Variants in ADAM12 observed in about 807,000 individuals in gnomAD.
ADAM12 encodes the protein ADAM metallopeptidase domain 12.
Under a neutral mutation model 106.4 loss-of-function variants are expected in ADAM12, and 70 were observed. That is an observed-to-expected ratio of 0.66 (90% confidence interval 0.54 to 0.80). The LOEUF is 0.80. Among genes scored for constraint, ADAM12 ranks in the 30% least tolerant of loss-of-function variants. The pLI, the probability that ADAM12 is intolerant of heterozygous loss-of-function variation, is 0.00. For synonymous variants in ADAM12, 420 were observed against 433.5 expected (o/e 0.97, Z 0.39); for missense variants, 1,010 against 1,171.9 (o/e 0.86, Z 2.02).
chr10:126,360,084 C>T (rs749291735), intron 1 of ADAM12, among the ~76,000 whole-genome samples: 13 of 152,188 alleles, frequency 8.5e-5, no homozygotes, highest in Non-Finnish European at 1.8e-4. Flanking sequence ...TTAGCCATGG[C>T]TAGAGCAGCT....
intron 4 of ADAM12, among the ~76,000 whole-genome samples, chr10:126,142,164 C>T (rs2133692601): frequency 6.6e-6 from 1 of 152,280 alleles, no homozygotes. Context: ...CTGCCGAGAC[C>T]AGCTCGGTCA....
intron 3 of ADAM12, among the ~76,000 whole-genome samples, chr10:126,206,355 A>G (rs1957794175): frequency 6.6e-6 from 1 of 152,218 alleles, no homozygotes; most frequent in South Asian, 2.1e-4. Context: ...AAGTATACTC[A>G]GGTGGGACAC....
chr10:126,031,344 T>C (rs546423223), intron 21 of ADAM12, among the ~76,000 whole-genome samples: 1 of 152,302 alleles, frequency 6.6e-6, no homozygotes, highest in East Asian at 1.9e-4. Context: ...CAAGTGCAGG[T>C]TTCAATATCA....
chr10:126,319,521 G>A (rs1173152943), intron 2 of ADAM12, among the ~76,000 whole-genome samples: 1 of 152,098 alleles, frequency 6.6e-6, no homozygotes, highest in African/African-American at 2.4e-5. Context: ...TGCCACACCT[G>A]ATCTCTACTC....
chr10:126,189,715 AG>A (rs1271177358), intron 3 of ADAM12, among the ~76,000 whole-genome samples: 1 of 152,116 alleles, frequency 6.6e-6, no homozygotes, highest in East Asian at 1.9e-4. Context: ...ATCTACCTGC[AG>A]GCAGGCTTGC....
chr10:126,116,339 C>T (rs775277942), intron 6 of ADAM12, among the ~76,000 whole-genome samples: 2 of 152,106 alleles, frequency 1.3e-5, no homozygotes, highest in African/African-American at 4.8e-5. Flanking sequence ...TGTTTATGAC[C>T]GGTAAAGCTA....
intron 4 of ADAM12, among the ~76,000 whole-genome samples, 185 bp downstream of exon 4, chr10:126,155,042 C>T (rs1283431592): frequency 1.3e-5 from 2 of 152,116 alleles, no homozygotes; most frequent in Non-Finnish European, 2.9e-5. Context: ...GTGCACATAC[C>T]TGGCCAAGGC....
At chr10:126,357,327 G>A (rs1463565242) in intron 1 of ADAM12, among the ~76,000 whole-genome samples, 6 of 151,636 alleles carry the variant, frequency 4.0e-5, no homozygotes, top group Non-Finnish European at 7.4e-5. Context: ...CTGAGGGAGG[G>A]GGAAAAAAAA....
Position 126,041,798 on chromosome 10 carries a change from G to A in ADAM12, c.2104+1242C>T. The A allele has an allele frequency of 3.5e-6, 4 of 1,135,582 alleles. 1 individual carries two copies. The highest frequency in any genetic ancestry group is 2.2e-6 in the Non-Finnish European group (2 of 924,704). 70.3% of individuals were successfully genotyped at this position (1,135,582 alleles called of 1,614,324 possible). Reference sequence around the variant, plus strand: ...TCTCCCCCACTGCTGTGGAGGCTCAGTGAAAGGCCAGACTTTTGAGTCCTC... The same window carrying A: ...TCTCCCCCACTGCTGTGGAGGCTCAATGAAAGGCCAGACTTTTGAGTCCTC... On this transcript the variant is annotated intron_variant, in intron 18 of 22. Coordinates refer to ENST00000448723, the MANE Select transcript of ADAM12 (RefSeq NM_001288973.2).
At chr10:126,163,181 T>C (rs12782912) in intron 3 of ADAM12, among the ~76,000 whole-genome samples, 46,477 of 152,096 alleles carry the variant, frequency 0.31, 7,745 homozygotes, top group Non-Finnish European at 0.38. Context: ...TGAAACCTTT[T>C]TTCTTTGTAA....
Position 126,027,732 on chromosome 10 carries a change from A to G in ADAM12, c.2530-7907T>C, listed in dbSNP as rs73374513. ...ACATACCTCAAAATAATAGCCATCT[A>G]TGACAAACCCACAGCTAATATCCTG... On this transcript the variant is annotated intron_variant, in intron 21 of 22. Coordinates refer to ENST00000448723, the MANE Select transcript of ADAM12 (RefSeq NM_001288973.2). Among the ~76,000 whole-genome samples, 761 of 152,310 alleles carry G rather than the reference A, an allele frequency of 5.0e-3. 7 individuals are homozygous for G. Among genetic ancestry groups the G allele is most frequent in the African/African-American group, 0.017 (694 of 41,566 alleles).
intron 3 of ADAM12, among the ~76,000 whole-genome samples, chr10:126,170,444 C>T (rs1480631669): frequency 6.7e-5 from 10 of 148,774 alleles, no homozygotes; most frequent in South Asian, 6.4e-4. Flanking sequence ...AAAAAGAGGG[C>T]GGGGGGGGAG....
At chr10:126,024,587 G>A (rs1249001580) in intron 21 of ADAM12, among the ~76,000 whole-genome samples, 1 of 152,050 alleles carries the variant, frequency 6.6e-6, no homozygotes, top group Admixed American at 6.6e-5. Context: ...CCAAAAGCAA[G>A]TACTATTATT....
At chr10:126,072,541 C>A (rs1955018300) in intron 11 of ADAM12, among the ~76,000 whole-genome samples, 1 of 152,164 alleles carries the variant, frequency 6.6e-6, no homozygotes. Context: ...AGGTGTCAGG[C>A]ATGGCATCTG....
chr10:126,081,040 G>A (rs1450521610), intron 11 of ADAM12, among the ~76,000 whole-genome samples: 6 of 152,122 alleles, frequency 3.9e-5, no homozygotes, highest in Admixed American at 3.9e-4. Flanking sequence ...GGAGACAACT[G>A]CTTTTCTTGC....
chr10:126,265,056 G>A (rs1959071761), intron 3 of ADAM12, among the ~76,000 whole-genome samples: 1 of 152,186 alleles, frequency 6.6e-6, no homozygotes, highest in Non-Finnish European at 1.5e-5. Flanking sequence ...ATCAAGAAGT[G>A]TTTACAGAGT....
intron 1 of ADAM12, among the ~76,000 whole-genome samples, chr10:126,360,474 C>T (rs1855705343): frequency 6.6e-6 from 1 of 152,170 alleles, no homozygotes; most frequent in Non-Finnish European, 1.5e-5. Context: ...TACCCTAAAT[C>T]ATCTCTCTCA....
chr10:126,018,210 C>A (rs1953695749), intron 22 of ADAM12, among the ~76,000 whole-genome samples: 1 of 152,224 alleles, frequency 6.6e-6, no homozygotes, highest in African/African-American at 2.4e-5. Context: ...AACCCAGGGC[C>A]TGGCCAACAC....
At chr10:126,360,448 A>C (rs1006808791) in intron 1 of ADAM12, among the ~76,000 whole-genome samples, 2 of 152,160 alleles carry the variant, frequency 1.3e-5, no homozygotes, top group African/African-American at 4.8e-5. Context: ...GCTGCTTAGA[A>C]ATTTCTTCCT....
Sources: allele counts gnomAD v4.1 joint callset (sites outside exome capture counted in the v4.1 genomes callset), GRCh38; gene constraint gnomAD v4.1.1; transcripts MANE v1.5; gene names NCBI Gene and HGNC (gene_info 2026-07-23, HGNC 2026-07-21).